The following RARB variants were observed in gnomAD, a reference collection of about 807,000 sequenced individuals.
RARB encodes retinoic acid receptor beta, also known as HBV-activated protein.
Under a neutral mutation model 51.9 loss-of-function variants are expected in RARB, and 17 were observed. That is an observed-to-expected ratio of 0.33 (90% CI 0.22 to 0.49). RARB has a LOEUF of 0.49. Ranked by LOEUF, RARB falls within the 20% of genes least tolerant of loss-of-function variation. The pLI, the probability that RARB is intolerant of heterozygous loss-of-function variation, is 0.99. For synonymous variants in RARB, 215 were observed against 195.4 expected, an observed-to-expected ratio of 1.10 and a Z score of -0.84; for missense variants, 369 against 550.8, an observed-to-expected ratio of 0.67 and a Z score of 3.30.
chr3:25,207,175 A>G (rs979509799), intron 5 of RARB, among the ~76,000 whole-genome samples: 1 of 152,200 alleles, frequency 6.6e-6, no homozygotes, highest in Non-Finnish European at 1.5e-5. Context: ...CTCCTTATTC[A>G]GGGCAGAATA....
chr3:25,205,478 C>T (rs1018421002), intron 5 of RARB, among the ~76,000 whole-genome samples: 25 of 152,136 alleles, frequency 1.6e-4, no homozygotes, highest in African/African-American at 5.6e-4. Flanking sequence ...CCTGGTACCT[C>T]AGTTGGAAAT....
intron 1 of RARB, among the ~76,000 whole-genome samples, chr3:24,843,900 TACAC>T (rs71057685): frequency 0.045 from 6,596 of 145,148 alleles, 168 homozygotes; most frequent in African/African-American, 0.06. Context: ...GATTTGAGGG[TACAC>T]ACACACACAC....
At chr3:25,112,171 C>G (rs1439789819) in intron 3 of RARB, among the ~76,000 whole-genome samples, 1 of 152,138 alleles carries the variant, frequency 6.6e-6, no homozygotes, top group African/African-American at 2.4e-5. Flanking sequence ...AAATCAAGAT[C>G]TGTAAATGAG....
chr3:25,054,498 A>C (rs1249017750), intron 2 of RARB, among the ~76,000 whole-genome samples: 2 of 152,146 alleles, frequency 1.3e-5, no homozygotes, highest in African/African-American at 4.8e-5. Context: ...CCATGATCTC[A>C]CTTTGTATAT....
chr3:25,009,689 A>G (rs148188536), intron 2 of RARB, among the ~76,000 whole-genome samples: 8 of 152,174 alleles, frequency 5.3e-5, no homozygotes, highest in African/African-American at 1.7e-4. Context: ...ACCTTACCAC[A>G]GCTGACCTTT....
chr3:25,565,453 T>C (rs1700455219), intron 3 of RARB, among the ~76,000 whole-genome samples: 1 of 152,202 alleles, frequency 6.6e-6, no homozygotes, highest in Admixed American at 6.5e-5. Context: ...ATTATTATTA[T>C]TATTACTGTC....
At chr3:25,102,084 T>C (rs1271218675) in intron 3 of RARB, among the ~76,000 whole-genome samples, 1 of 152,170 alleles carries the variant, frequency 6.6e-6, no homozygotes, top group Admixed American at 6.5e-5. Context: ...GAAAGATATG[T>C]ACAGGTGCCA....
chr3:25,482,963 A>G (rs1238672740), intron 2 of RARB, among the ~76,000 whole-genome samples: 3 of 152,208 alleles, frequency 2.0e-5, no homozygotes, highest in Admixed American at 2.0e-4. Context: ...TTACATAGTA[A>G]TTTCATAGTT....
chr3:25,169,248 G>A (rs1402913998), intron 4 of RARB, among the ~76,000 whole-genome samples: 1 of 152,140 alleles, frequency 6.6e-6, no homozygotes, highest in Non-Finnish European at 1.5e-5. Flanking sequence ...ATGAGTTTCA[G>A]GAAATGGGGA....
intron 4 of RARB, among the ~76,000 whole-genome samples, chr3:25,576,441 G>C (rs1230462900): frequency 3.3e-5 from 5 of 152,056 alleles, no homozygotes; most frequent in Admixed American, 2.0e-4. Context: ...ACATCCTCTA[G>C]GGCCTTGGAC....
chr3:25,513,977 C>A (rs1163801797), intron 3 of RARB, among the ~76,000 whole-genome samples: 1 of 152,232 alleles, frequency 6.6e-6, no homozygotes, highest in East Asian at 1.9e-4. Flanking sequence ...AGACAATCCC[C>A]AGCAAAGAGA....
At chr3:24,907,728 T>C (rs931274136) in intron 2 of RARB, among the ~76,000 whole-genome samples, 1 of 152,032 alleles carries the variant, frequency 6.6e-6, no homozygotes, top group African/African-American at 2.4e-5. Context: ...TAAATCTTAC[T>C]TGAAAAAAAA....
At chr3:24,909,237 A>G (rs1252586143) in intron 2 of RARB, among the ~76,000 whole-genome samples, 6 of 152,198 alleles carry the variant, frequency 3.9e-5, no homozygotes, top group Admixed American at 3.9e-4. Context: ...CTTTGTTCTC[A>G]CTGAACCACT....
intron 2 of RARB, among the ~76,000 whole-genome samples, chr3:25,017,455 G>T (rs562091152): frequency 6.6e-6 from 1 of 151,984 alleles, no homozygotes; most frequent in Non-Finnish European, 1.5e-5. Flanking sequence ...ATAAAATTGA[G>T]AAGGATTCTG....
intron 3 of RARB, among the ~76,000 whole-genome samples, chr3:25,119,699 C>T (rs1699748755): frequency 6.6e-6 from 1 of 151,406 alleles, no homozygotes; most frequent in African/African-American, 2.4e-5. Context: ...GCTCTTGTGT[C>T]AATACTAAGG....
intron 5 of RARB, among the ~76,000 whole-genome samples, chr3:25,335,228 C>T (rs1389864506): frequency 1.3e-5 from 2 of 151,952 alleles, no homozygotes; most frequent in Non-Finnish European, 2.9e-5. Context: ...TGGCACATAC[C>T]AAATGTTCAA....
Position 25,168,219 on chromosome 3 carries a change from T to TCTTTTA in RARB, c.-279-5895_-279-5894insACTTTT, listed in dbSNP as rs1377961609. 2.0e-5 allele frequency among the ~76,000 whole-genome samples: 3 copies of TCTTTTA among 152,112 alleles called. No homozygotes were observed. In the East Asian group the frequency reaches 5.8e-4, roughly 29 times the overall value. ...GAAAAGGACATTTCTCTTTTTTTTGTCTTTTTCTTTTTCTTTTTTGAGATG... is the reference window on the plus strand; with the variant it reads ...GAAAAGGACATTTCTCTTTTTTTTGTCTTTTACTTTTTCTTTTTCTTTTTTGAGATG... On this transcript the variant is annotated intron_variant, in intron 4 of 11. Coordinates refer to the RARB transcript ENST00000383772.
chr3:24,904,184 A>G (rs771765102), intron 2 of RARB, among the ~76,000 whole-genome samples: 3 of 152,192 alleles, frequency 2.0e-5, no homozygotes, highest in Non-Finnish European at 4.4e-5. Context: ...CAACTGTCTT[A>G]TCTTTAAAAT....
At chr3:25,582,699 T>A (rs1334267882) in intron 5 of RARB, among the ~76,000 whole-genome samples, 2 of 152,048 alleles carry the variant, frequency 1.3e-5, no homozygotes, top group East Asian at 3.9e-4. Context: ...TTCCCACATC[T>A]CAGCTTACAC....
Sources: allele counts gnomAD v4.1 joint callset (sites outside exome capture counted in the v4.1 genomes callset), GRCh38; gene constraint gnomAD v4.1.1; transcripts MANE v1.5; gene names NCBI Gene and HGNC (gene_info 2026-07-23, HGNC 2026-07-21).